The following GABRR3 variants were observed in gnomAD, a reference collection of about 807,000 sequenced individuals.
GABRR3 encodes the protein gamma-aminobutyric acid receptor subunit rho-3.
GABRR3 carries 29 observed loss-of-function variants against 43.2 expected under a neutral mutation model. The observed-to-expected ratio is 0.67, with a 90% CI of 0.50 to 0.92. GABRR3 has a LOEUF of 0.92. Among genes scored for constraint, GABRR3 ranks in the 40% least tolerant of loss-of-function variants. The pLI is 0.00. For synonymous variants in GABRR3, 206 were observed against 195.9 expected, an observed-to-expected ratio of 1.05 and a Z score of -0.43; for missense variants, 576 against 572.3, an observed-to-expected ratio of 1.01 and a Z score of -0.07.
At chr3:98,028,936 G>C (rs1209876863) in intron 2 of GABRR3, among the ~76,000 whole-genome samples, 1 of 152,084 alleles carries the variant, frequency 6.6e-6, no homozygotes, top group Non-Finnish European at 1.5e-5. Context: ...CTATATCATG[G>C]AGCATCAGAT....
intron 4 of GABRR3, among the ~76,000 whole-genome samples, chr3:98,017,137 T>C (rs531597955): frequency 5.3e-4 from 81 of 152,212 alleles, no homozygotes; most frequent in Non-Finnish European, 9.3e-4. Flanking sequence ...TCTAGAAAAA[T>C]ATAAGGGAGT....
chr3:98,005,200 C>T (rs1053188438), intron 7 of GABRR3, among the ~76,000 whole-genome samples: 5 of 132,970 alleles, frequency 3.8e-5, no homozygotes, highest in African/African-American at 1.4e-4. Flanking sequence ...GTTAATCTTT[C>T]TAGGCTTTTA....
intron 7 of GABRR3, among the ~76,000 whole-genome samples, chr3:98,001,989 CCCG>C (rs1706652233): frequency 2.6e-5 from 4 of 152,094 alleles, no homozygotes; most frequent in Admixed American, 2.6e-4. Flanking sequence ...AACTTCCAAA[CCCG>C]CAGTTCAGGG....
chr3:98,012,907 T>C (rs1391336135), intron 4 of GABRR3, among the ~76,000 whole-genome samples: 1 of 152,234 alleles, frequency 6.6e-6, no homozygotes, highest in Non-Finnish European at 1.5e-5. Flanking sequence ...GAAACTTTAC[T>C]ATTTTATTGT....
At chr3:98,024,008 G>C (rs1457643345) in intron 3 of GABRR3, among the ~76,000 whole-genome samples, 1 of 152,188 alleles carries the variant, frequency 6.6e-6, no homozygotes, top group Non-Finnish European at 1.5e-5. Context: ...AGAACCCCCA[G>C]GTGATCCTGA....
Position 98,003,416 on chromosome 3 carries a change from C to CTT in GABRR3, c.755-1651_755-1650dup, listed in dbSNP as rs35589224. Among the ~76,000 whole-genome samples the CTT allele has an allele frequency of 9.7e-3, 1,292 of 133,462 alleles. 27 individuals are homozygous for CTT. Among genetic ancestry groups the CTT allele is most frequent in the South Asian group, 0.063 (262 of 4,134 alleles). 87.6% of individuals were successfully genotyped at this position (133,462 alleles called of 152,430 possible). On this transcript the variant is annotated intron_variant, in intron 7 of 9. Coordinates refer to ENST00000621172, the Ensembl canonical transcript of GABRR3. ...CATAATTTTCTGAAGAACAGTTGTCCTTTTTTTTTTTTTTTGGTGGGGTGG... is the reference window on the plus strand; with the variant it reads ...CATAATTTTCTGAAGAACAGTTGTCCTTTTTTTTTTTTTTTTTGGTGGGGTGG...
intron 7 of GABRR3, 101 bp downstream of exon 7, chr3:98,007,663 G>T: frequency 1.6e-6 from 2 of 1,267,138 alleles, no homozygotes; most frequent in East Asian, 2.4e-5. Context: ...CTGGCCAAAG[G>T]GGACACTCGC....
intron 5 of GABRR3, 117 bp downstream of exon 5, chr3:98,012,227 T>C: frequency 1.4e-6 from 1 of 719,688 alleles, no homozygotes; most frequent in Non-Finnish European, 2.3e-6. Context: ...TGTCCCAATC[T>C]CCAGCAGCAT....
At chr3:98,025,503 A>G (rs1270886551) in intron 3 of GABRR3, 64 bp downstream of exon 3, 1 of 1,125,232 alleles carries the variant, frequency 8.9e-7, no homozygotes, top group Admixed American at 2.9e-5. Context: ...CTTGTTTTAA[A>G]TTTTCACCTC....
chr3:98,017,717 G>A lies in GABRR3; in HGVS notation c.244C>T (p.Pro82Ser), dbSNP rs191200032. 3 of 1,607,762 alleles carry A rather than the reference G, an allele frequency of 1.9e-6. No individual in the cohort carries two copies. The African/African-American group carries it at 4.0e-5, about 21-fold the overall frequency. ...TGGACATCTATACCTACTGGCACTG[G>A]AGACCCTTAAGAAAGAAGAATGGTT... is the stretch of plus-strand genomic sequence containing the variant. Residue 82 changes from proline to serine, a missense_variant, in exon 4 of 10, where the codon CCA becomes TCA. Coordinates refer to ENST00000621172, the Ensembl canonical transcript of GABRR3.
chr3:97,998,306 G>A (rs1410284689), intron 8 of GABRR3: 2 of 152,058 alleles, frequency 1.3e-5, no homozygotes, highest in African/African-American at 4.8e-5. Context: ...ATGGCATTTG[G>A]TATTGTGTCT....
intron 3 of GABRR3, 124 bp downstream of exon 3, chr3:98,025,443 A>G (rs1390274217): frequency 3.3e-6 from 2 of 610,136 alleles, no homozygotes; most frequent in African/African-American, 1.9e-5. Flanking sequence ...GGTGATTGTA[A>G]AAGCCTTCTT....
intron 8 of GABRR3, among the ~76,000 whole-genome samples, chr3:97,995,019 C>T (rs554389743): frequency 6.6e-6 from 1 of 152,186 alleles, no homozygotes; most frequent in South Asian, 2.1e-4. Flanking sequence ...GCTCTTGTCC[C>T]CCAGGCTGGA....
intron 3 of GABRR3, among the ~76,000 whole-genome samples, chr3:98,023,695 C>G (rs865963381): frequency 1.3e-5 from 2 of 151,800 alleles, no homozygotes; most frequent in Non-Finnish European, 2.9e-5. Flanking sequence ...AAAAAAGAGA[C>G]ATATTTCTAA....
At chr3:98,007,613 G>A (rs1706737218) in intron 7 of GABRR3, 151 bp downstream of exon 7, 1 of 756,992 alleles carries the variant, frequency 1.3e-6, no homozygotes, top group Non-Finnish European at 2.2e-6. Flanking sequence ...TGTATGGAAG[G>A]GTGGAGCTTG....
intron 3 of GABRR3, among the ~76,000 whole-genome samples, chr3:98,019,742 T>C (rs1027554845): frequency 6.6e-5 from 10 of 152,116 alleles, no homozygotes; most frequent in Non-Finnish European, 1.2e-4. Flanking sequence ...TGTGTCACCA[T>C]GCCCAGCTAA....
At chr3:98,024,377 A>G (rs1218066772) in intron 3 of GABRR3, among the ~76,000 whole-genome samples, 1 of 151,446 alleles carries the variant, frequency 6.6e-6, no homozygotes, top group Non-Finnish European at 1.5e-5. Flanking sequence ...AAAAAAAAAA[A>G]AAAAAAAAAA....
chr3:98,028,882 A>G (rs1050914941), intron 2 of GABRR3, among the ~76,000 whole-genome samples: 1 of 152,202 alleles, frequency 6.6e-6, no homozygotes, highest in Non-Finnish European at 1.5e-5. Context: ...GAAGGATGAA[A>G]TAAAACCAAG....
chr3:98,028,937 A>G (rs972958967), intron 2 of GABRR3, among the ~76,000 whole-genome samples: 4 of 152,170 alleles, frequency 2.6e-5, no homozygotes, highest in African/African-American at 9.7e-5. Context: ...TATATCATGG[A>G]GCATCAGATT....
Sources: gnomAD v4.1 joint callset for allele counts (sites outside exome capture counted in the v4.1 genomes callset) on GRCh38, gnomAD v4.1.1 for gene constraint, MANE v1.5 for transcripts, NCBI Gene and HGNC (gene_info 2026-07-23, HGNC 2026-07-21) for gene names.